Variants in CDH7 observed in about 807,000 individuals in gnomAD.
CDH7 encodes the protein cadherin 7.
Under a neutral mutation model 71.8 loss-of-function variants are expected in CDH7, and 25 were observed. The ratio of observed to expected loss-of-function variants is 0.35; its 90% CI spans 0.25 to 0.49. CDH7 has a LOEUF of 0.49. Ranked by LOEUF, CDH7 falls within the 20% of genes least tolerant of loss-of-function variation. The pLI is 0.99. For synonymous variants in CDH7, 381 were observed against 363.8 expected, an observed-to-expected ratio of 1.05 and a Z score of -0.54; for missense variants, 862 against 974.6, an observed-to-expected ratio of 0.88 and a Z score of 1.54.
chr18:65,857,995 G>A (rs1209936069), intron 8 of CDH7, 43 bp downstream of exon 8: 2 of 1,590,874 alleles, frequency 1.3e-6, no homozygotes, highest in African/African-American at 1.3e-5. Context: ...GGAGGACAGT[G>A]AGTGGAGAAT....
At chr18:65,768,345 C>G (rs1916441072) in intron 2 of CDH7, among the ~76,000 whole-genome samples, 8 of 152,094 alleles carry the variant, frequency 5.3e-5, no homozygotes, top group Admixed American at 5.2e-4. Context: ...AGCAATTCTC[C>G]TGCCTCAGCC....
At chr18:65,826,641 A>G (rs949952917) in intron 6 of CDH7, among the ~76,000 whole-genome samples, 2 of 151,624 alleles carry the variant, frequency 1.3e-5, no homozygotes, top group Non-Finnish European at 3.0e-5. Context: ...TATCATTTCT[A>G]AATCTTACCT....
At position 65,858,908 on chromosome 18, in the gene CDH7, A is replaced by C. The variant is rs756096853; in HGVS notation, c.1373-17A>C. The C allele has an allele frequency of 1.2e-6, 2 of 1,608,838 alleles. No homozygotes were observed. Among genetic ancestry groups the C allele is most frequent in the African/African-American group, 2.7e-5 (2 of 74,800 alleles). On this transcript the variant is annotated splice_polypyrimidine_tract_variant and intron_variant, in intron 8 of 11. Coordinates refer to ENST00000397968, the MANE Select transcript of CDH7 (RefSeq NM_004361.5). ...ATGGGCAAAGAGTAAATGATAAGAC[A>C]CTGTCTTATTTATTAGAGAATCCAT...
chr18:65,752,234 TAAG>T (rs1915904316), intron 1 of CDH7, among the ~76,000 whole-genome samples: 1 of 152,166 alleles, frequency 6.6e-6, no homozygotes. Context: ...ATACAAAAAA[TAAG>T]AGAAAAATGT....
intron 2 of CDH7, among the ~76,000 whole-genome samples, chr18:65,771,626 A>C (rs1274660478): frequency 1.3e-5 from 2 of 152,086 alleles, no homozygotes; most frequent in African/African-American, 4.8e-5. Flanking sequence ...CAGTGAGCCA[A>C]GATCATGCCA....
chr18:65,874,788 A>G (rs1198832178), intron 11 of CDH7, among the ~76,000 whole-genome samples: 1 of 152,010 alleles, frequency 6.6e-6, no homozygotes, highest in African/African-American at 2.4e-5. Context: ...CTTATTTAGC[A>G]ATGGTACCAT....
intron 11 of CDH7, among the ~76,000 whole-genome samples, chr18:65,874,127 A>C (rs2144060228): frequency 6.6e-6 from 1 of 152,340 alleles, no homozygotes; most frequent in African/African-American, 2.4e-5. Flanking sequence ...CAGTTTTAGC[A>C]ATCAGTACTC....
At chr18:65,787,911 G>C (rs1299077930) in intron 2 of CDH7, among the ~76,000 whole-genome samples, 1 of 152,018 alleles carries the variant, frequency 6.6e-6, no homozygotes, top group Non-Finnish European at 1.5e-5. Context: ...AAGAGAAAGC[G>C]AGTAACCAGT....
intron 2 of CDH7, among the ~76,000 whole-genome samples, chr18:65,777,678 G>T (rs1598996165): frequency 6.6e-6 from 1 of 152,098 alleles, no homozygotes; most frequent in Admixed American, 6.5e-5. Context: ...CCCACCACCA[G>T]AGTATAATTA....
At chr18:65,877,243 C>A (rs980381553) in intron 11 of CDH7, among the ~76,000 whole-genome samples, 10 of 152,036 alleles carry the variant, frequency 6.6e-5, no homozygotes, top group Admixed American at 5.9e-4. Context: ...AACTGCATAA[C>A]ACATTAATAT....
At chr18:65,799,495 G>T (rs973915983) in intron 2 of CDH7, among the ~76,000 whole-genome samples, 13 of 152,204 alleles carry the variant, frequency 8.5e-5, no homozygotes, top group Admixed American at 7.2e-4. Flanking sequence ...GGCTAAAGAG[G>T]TGAAACCCCG....
At chr18:65,756,702 A>T (rs569814715) in intron 1 of CDH7, among the ~76,000 whole-genome samples, 40 of 152,374 alleles carry the variant, frequency 2.6e-4, no homozygotes, top group African/African-American at 7.9e-4. Flanking sequence ...TTGCTTATTT[A>T]TATTGGACTG....
Position 65,814,390 on chromosome 18 carries a change from A to C in CDH7, c.506-95A>C. The C allele has an allele frequency of 5.8e-6, 8 of 1,385,000 alleles. 1 individual carries two copies. In the South Asian group the frequency reaches 9.4e-5, roughly 16 times the overall value. The allele number at this position is 1,385,000 out of a possible 1,614,324, so 85.8% of individuals were successfully genotyped here. A position where few individuals can be genotyped will look rare whatever the true frequency, so the allele number is the denominator to read the frequency against. On this transcript the variant is annotated intron_variant, in intron 3 of 11. Coordinates refer to ENST00000397968, the MANE Select transcript of CDH7 (RefSeq NM_004361.5). ...TGAAAAAGATAAATGAAAATTTTCA[A>C]ATAAGCTTAATGTGGAATCAGTAAC...
At chr18:65,844,591 G>A (rs563498814) in intron 7 of CDH7, among the ~76,000 whole-genome samples, 1 of 151,992 alleles carries the variant, frequency 6.6e-6, no homozygotes, top group East Asian at 1.9e-4. Context: ...CTTTTCAGTA[G>A]TCTTGTATCT....
chr18:65,823,323 G>A (rs1912006158), intron 5 of CDH7, among the ~76,000 whole-genome samples: 1 of 151,818 alleles, frequency 6.6e-6, no homozygotes, highest in Admixed American at 6.6e-5. Context: ...TCATGGAGAA[G>A]GAGGGACTTT....
intron 11 of CDH7, among the ~76,000 whole-genome samples, chr18:65,867,414 A>C (rs1435464496): frequency 3.3e-5 from 5 of 152,214 alleles, no homozygotes; most frequent in Non-Finnish European, 7.3e-5. Context: ...TATCATAGTT[A>C]AATTCACACT....
intron 2 of CDH7, among the ~76,000 whole-genome samples, chr18:65,806,279 T>C (rs900163199): frequency 6.9e-6 from 1 of 144,992 alleles, no homozygotes; most frequent in African/African-American, 2.6e-5. Context: ...TCTCACTTTT[T>C]GTGCTCATTT....
At chr18:65,792,385 C>G (rs1275765871) in intron 2 of CDH7, among the ~76,000 whole-genome samples, 1 of 151,948 alleles carries the variant, frequency 6.6e-6, no homozygotes, top group Non-Finnish European at 1.5e-5. Context: ...AACAAGTAAA[C>G]CTTGAAAAGG....
chr18:65,848,481 A>G (rs1334226249), intron 7 of CDH7, among the ~76,000 whole-genome samples: 2 of 152,204 alleles, frequency 1.3e-5, no homozygotes, highest in East Asian at 3.9e-4. Context: ...CTCCAAGTTC[A>G]CTGGCTGTGA....
Sources: gnomAD v4.1 joint callset for allele counts (sites outside exome capture counted in the v4.1 genomes callset) on GRCh38, gnomAD v4.1.1 for gene constraint, MANE v1.5 for transcripts, NCBI Gene and HGNC (gene_info 2026-07-23, HGNC 2026-07-21) for gene names.